Variants in PGGT1B observed in about 807,000 individuals in gnomAD.
PGGT1B encodes protein geranylgeranyltransferase type I subunit beta.
Under a neutral mutation model 46.1 loss-of-function variants are expected in PGGT1B, and 30 were observed. The observed-to-expected ratio is 0.65, with a 90% CI of 0.49 to 0.88. The LOEUF (loss-of-function observed/expected upper bound fraction) is 0.88, where lower values mean the gene tolerates loss of function less well. Among genes scored for constraint, PGGT1B ranks in the 40% least tolerant of loss-of-function variants. PGGT1B has a pLI of 0.00. For synonymous variants in PGGT1B, 170 were observed against 160.0 expected (o/e 1.06, Z -0.47); for missense variants, 376 against 455.9 (o/e 0.82, Z 1.60).
chr5:115,222,115 G>A, intron 6 of PGGT1B, 107 bp from the exon 7 acceptor site: 5 of 540,306 alleles, frequency 9.3e-6, no homozygotes, highest in South Asian at 5.4e-5. Flanking sequence ...AGAAAATAGT[G>A]AAATAAAATT....
chr5:115,254,886 A>G (rs1748248808), intron 1 of PGGT1B, among the ~76,000 whole-genome samples: 1 of 152,188 alleles, frequency 6.6e-6, no homozygotes, highest in African/African-American at 2.4e-5. Context: ...TGAATTAGAG[A>G]GGTAATTTAT....
intron 6 of PGGT1B, among the ~76,000 whole-genome samples, chr5:115,222,306 G>A (rs975544324): frequency 6.6e-6 from 1 of 152,114 alleles, no homozygotes; most frequent in African/African-American, 2.4e-5. Context: ...TAAAGTCCGG[G>A]ACTGCTAACT....
chr5:115,229,596 G>T (rs149256421), intron 6 of PGGT1B, among the ~76,000 whole-genome samples: 52 of 152,196 alleles, frequency 3.4e-4, no homozygotes, highest in African/African-American at 1.2e-3. Context: ...ATATTCCAGA[G>T]AATATAATCC....
chr5:115,252,559 T>A (rs1480271660), intron 2 of PGGT1B, among the ~76,000 whole-genome samples: 1 of 152,036 alleles, frequency 6.6e-6, no homozygotes, highest in African/African-American at 2.4e-5. Flanking sequence ...ATAGAGTGAA[T>A]AACAGAGTTT....
intron 6 of PGGT1B, among the ~76,000 whole-genome samples, chr5:115,228,087 T>C (rs1756850512): frequency 6.6e-6 from 1 of 152,216 alleles, no homozygotes; most frequent in Non-Finnish European, 1.5e-5. Context: ...CTGAATAGCA[T>C]CAACAGGCTG....
chr5:115,244,457 T>A (rs1747716724), intron 2 of PGGT1B, among the ~76,000 whole-genome samples: 1 of 75,814 alleles, frequency 1.3e-5, no homozygotes, highest in African/African-American at 6.1e-5. Flanking sequence ...AGAGCGAGAC[T>A]CTGTCTCACA....
At chr5:115,255,159 T>A (rs768982848) in intron 1 of PGGT1B, among the ~76,000 whole-genome samples, 4 of 152,222 alleles carry the variant, frequency 2.6e-5, no homozygotes, top group Non-Finnish European at 4.4e-5. Context: ...TTATCCTTGG[T>A]CTTTGCCATG....
Position 115,262,842 on chromosome 5 carries a change from T to G in PGGT1B, c.10A>C (p.Thr4Pro), listed in dbSNP as rs200558648. Residue 4 changes from threonine (T) to proline (P), a missense_variant, in exon 1 of 9, where the codon ACT (threonine) becomes CCT (proline). Around this residue, in one of 2 missense-constraint regions of PGGT1B, gnomAD observed 154 missense variants for 142.3 expected, o/e 1.08. Coordinates refer to ENST00000419445, the MANE Select transcript of PGGT1B (RefSeq NM_005023.4). MAA[T>P]EDERLAGSGE... Reference sequence around the variant, plus strand: ...CTCCCTGCTAGCCTCTCATCCTCAGTGGCCGCCATGCTGCTCCGGAAGCGA... The same window carrying G: ...CTCCCTGCTAGCCTCTCATCCTCAGGGGCCGCCATGCTGCTCCGGAAGCGA... 3 of 1,612,084 alleles carry G rather than the reference T, an allele frequency of 1.9e-6. No individual in the cohort carries two copies. The highest frequency in any genetic ancestry group is 2.5e-6 in the Non-Finnish European group (3 of 1,179,876).
intron 1 of PGGT1B, among the ~76,000 whole-genome samples, chr5:115,262,335 G>A (rs1214849248): frequency 6.6e-6 from 1 of 152,234 alleles, no homozygotes; most frequent in Non-Finnish European, 1.5e-5. Context: ...TGACTTTAGA[G>A]AGGACAAGGA....
chr5:115,240,834 G>A (rs1356997315), intron 3 of PGGT1B, among the ~76,000 whole-genome samples: 1 of 152,114 alleles, frequency 6.6e-6, no homozygotes, highest in Non-Finnish European at 1.5e-5. Context: ...GTGTGAGGCC[G>A]CTTTAGAAAA....
At chr5:115,226,421 G>A (rs964865042) in intron 6 of PGGT1B, among the ~76,000 whole-genome samples, 2 of 151,932 alleles carry the variant, frequency 1.3e-5, no homozygotes, top group African/African-American at 4.8e-5. Flanking sequence ...GGAATCATGG[G>A]GATAAAGAGA....
chr5:115,250,501 T>C (rs1480221776), intron 2 of PGGT1B, among the ~76,000 whole-genome samples: 1 of 152,170 alleles, frequency 6.6e-6, no homozygotes, highest in Admixed American at 6.6e-5. Context: ...AAAAATATTT[T>C]AAGTAACTTA....
chr5:115,253,182 T>C lies in PGGT1B; in HGVS notation c.214A>G (p.Ile72Val), dbSNP rs779310886. Residue 72 changes from isoleucine (I) to valine (V), a missense_variant, in exon 2 of 9, where the codon ATA becomes GTA. Physicochemically the swap from Ile to Val is conservative, Grantham distance 29 (BLOSUM62 3). Coordinates refer to ENST00000419445, the MANE Select transcript of PGGT1B (RefSeq NM_005023.4). Reference protein sequence around the residue: ...DSLDVVNKDDIIEWIYSLQVL... With the variant: ...DSLDVVNKDDVIEWIYSLQVL... The stretch of plus-strand genomic sequence containing the variant: ...TGCAGGGAATAAATCCACTCTATTA[T>C]ATCATCTTTGTTCACCACATCTAAG... 50 of 1,606,918 alleles carry C rather than the reference T, an allele frequency of 3.1e-5. No individual in the cohort carries two copies. The highest frequency in any genetic ancestry group is 4.5e-5 in the East Asian group (2 of 44,632).
intron 6 of PGGT1B, among the ~76,000 whole-genome samples, chr5:115,223,503 C>T (rs767295244): frequency 6.6e-6 from 1 of 152,048 alleles, no homozygotes; most frequent in Non-Finnish European, 1.5e-5. Context: ...GTAAGGAATG[C>T]CAGCAGCCAC....
At chr5:115,233,762 A>T (rs1180585110) in intron 5 of PGGT1B, among the ~76,000 whole-genome samples, 1 of 152,020 alleles carries the variant, frequency 6.6e-6, no homozygotes, top group Non-Finnish European at 1.5e-5. Context: ...ACTACCAGAA[A>T]AAAAGGTAAA....
At chr5:115,216,363 C>T (rs1024906468) in intron 8 of PGGT1B, among the ~76,000 whole-genome samples, 1 of 152,180 alleles carries the variant, frequency 6.6e-6, no homozygotes, top group Non-Finnish European at 1.5e-5. Context: ...TGGTCTTGAA[C>T]TCCTGACCTC....
At chr5:115,223,236 C>T (rs776621835) in intron 6 of PGGT1B, among the ~76,000 whole-genome samples, 5 of 152,076 alleles carry the variant, frequency 3.3e-5, no homozygotes, top group African/African-American at 4.8e-5. Context: ...ATACCCACTG[C>T]GTAGGCTGAA....
rs1756164699 is a variant in PGGT1B, at chr5:115,209,634, C to G, written c.*2768G>C. The G allele has an allele frequency of 6.6e-6, 1 of 152,068 alleles. No individual in the cohort carries two copies. Among genetic ancestry groups the G allele is most frequent in the African/African-American group, 2.4e-5 (1 of 41,410 alleles). The allele number at this position is 152,068 out of a possible 1,614,324, so 9.4% of individuals were successfully genotyped here. On this transcript the variant is annotated 3_prime_UTR_variant, in exon 9 of 9. Coordinates refer to ENST00000419445, the MANE Select transcript of PGGT1B (RefSeq NM_005023.4). Reference sequence around the variant, plus strand: ...GTGGCTATCCTAGTTGCTCTGTATTCTTATGGGGAGATTAGAAAACAACAC... The same window carrying G: ...GTGGCTATCCTAGTTGCTCTGTATTGTTATGGGGAGATTAGAAAACAACAC...
chr5:115,222,749 G>T (rs1339333722), intron 6 of PGGT1B, among the ~76,000 whole-genome samples: 1 of 152,262 alleles, frequency 6.6e-6, no homozygotes, highest in South Asian at 2.1e-4. Context: ...TGATAGACTG[G>T]ATTAAGAAAA....
Sources: allele counts gnomAD v4.1 joint callset (sites outside exome capture counted in the v4.1 genomes callset), GRCh38; gene constraint gnomAD v4.1.1; regional missense constraint gnomAD v4.1.1; transcripts MANE v1.5; gene names NCBI Gene and HGNC (gene_info 2026-07-23, HGNC 2026-07-21).